PRKD1: variants seen among roughly 807,000 people sequenced by gnomAD.
PRKD1 encodes serine/threonine-protein kinase D1.
In PRKD1, 63 loss-of-function variants were observed where a neutral mutation model predicts 95.9. The ratio of observed to expected loss-of-function variants is 0.66; its 90% CI spans 0.54 to 0.81. The LOEUF is 0.81. PRKD1 is among the 30% of genes least tolerant of loss of function. PRKD1 has a pLI of 0.00. For synonymous variants in PRKD1, 425 were observed against 423.1 expected, an observed-to-expected ratio of 1.00 and a Z score of -0.05; for missense variants, 1,048 against 1,165.3, an observed-to-expected ratio of 0.90 and a Z score of 1.47.
chr14:29,810,792 CTA>C (rs1441507362), intron 1 of PRKD1, among the ~76,000 whole-genome samples: 5 of 152,292 alleles, frequency 3.3e-5, no homozygotes, highest in East Asian at 3.9e-4. Context: ...GTGCAACAAA[CTA>C]TGTATTTCAG....
At chr14:29,794,495 C>T (rs953301709) in intron 1 of PRKD1, among the ~76,000 whole-genome samples, 2 of 151,912 alleles carry the variant, frequency 1.3e-5, no homozygotes, top group East Asian at 1.9e-4. Context: ...CAGTGATTTA[C>T]TTATTTATTT....
intron 1 of PRKD1, among the ~76,000 whole-genome samples, chr14:29,849,681 T>A (rs1163304152): frequency 6.6e-6 from 1 of 151,570 alleles, no homozygotes; most frequent in Non-Finnish European, 1.5e-5. Flanking sequence ...CCGAAACTAT[T>A]CCCCAAAATA....
chr14:29,787,976 CCTTTCT>C (rs1344572578), intron 1 of PRKD1, among the ~76,000 whole-genome samples: 2 of 152,000 alleles, frequency 1.3e-5, no homozygotes, highest in Admixed American at 1.3e-4. Context: ...ACATTTGGCT[CCTTTCT>C]CTTTCTCATT....
At chr14:29,892,940 C>A (rs1893991149) in intron 1 of PRKD1, among the ~76,000 whole-genome samples, 1 of 152,154 alleles carries the variant, frequency 6.6e-6, no homozygotes, top group South Asian at 2.1e-4. Flanking sequence ...TTAAATATAT[C>A]CATCAAAGCC....
intron 1 of PRKD1, among the ~76,000 whole-genome samples, chr14:29,740,081 T>A (rs1011017464): frequency 6.6e-6 from 1 of 152,204 alleles, no homozygotes; most frequent in Non-Finnish European, 1.5e-5. Context: ...CATTATACCT[T>A]GACAGATTAC....
intron 1 of PRKD1, among the ~76,000 whole-genome samples, chr14:29,914,208 T>C (rs28465535): frequency 0.024 from 3,604 of 152,320 alleles, 151 homozygotes; most frequent in African/African-American, 0.082. Flanking sequence ...AGTTACGTGT[T>C]GGCATTAGCC....
intron 1 of PRKD1, among the ~76,000 whole-genome samples, chr14:29,742,270 C>A (rs890257337): frequency 1.3e-5 from 2 of 152,164 alleles, no homozygotes; most frequent in African/African-American, 4.8e-5. Context: ...CCACCTGCCA[C>A]CCCAACATTA....
intron 4 of PRKD1, 33 bp from the exon 5 acceptor site, chr14:29,638,937 T>C (rs747191153): frequency 2.4e-5 from 37 of 1,516,652 alleles, no homozygotes; most frequent in South Asian, 3.4e-5. Flanking sequence ...GGAAGCAAGA[T>C]GTAAGAGGCT....
chr14:29,886,500 C>T (rs1893711124), intron 1 of PRKD1, among the ~76,000 whole-genome samples: 1 of 152,218 alleles, frequency 6.6e-6, no homozygotes, highest in Admixed American at 6.5e-5. Context: ...TTCTACTAAA[C>T]TGGTGGCAAT....
intron 1 of PRKD1, among the ~76,000 whole-genome samples, chr14:29,892,293 C>T (rs922910281): frequency 1.3e-5 from 2 of 152,066 alleles, no homozygotes; most frequent in Non-Finnish European, 2.9e-5. Context: ...GGTAAGTAAC[C>T]GTTAACTGGA....
chr14:29,910,762 T>C (rs1894680267), intron 1 of PRKD1, among the ~76,000 whole-genome samples: 1 of 152,194 alleles, frequency 6.6e-6, no homozygotes, highest in African/African-American at 2.4e-5. Flanking sequence ...TCCCCCTTTC[T>C]TGAAGTGATA....
chr14:29,753,151 GA>G (rs1389123472), intron 1 of PRKD1, among the ~76,000 whole-genome samples: 1 of 152,108 alleles, frequency 6.6e-6, no homozygotes, highest in East Asian at 1.9e-4. Flanking sequence ...TGGTGTGGAA[GA>G]GGCAAATGAG....
At chr14:29,588,799 TGTG>T (rs1893023035) in intron 16 of PRKD1, among the ~76,000 whole-genome samples, 197 of 43,902 alleles carry the variant, frequency 4.5e-3, no homozygotes, top group African/African-American at 0.013. Flanking sequence ...GTTGTGTGTG[TGTG>T]TGTGTGTGTG....
chr14:29,634,557 T>C lies in PRKD1; in HGVS notation c.1191-16A>G. ...TGTTGATGGACTTGAGAAGTCAAAATATTGTAGGGAAAAAATGTTTTCAGG... is the reference window on the plus strand; with the variant it reads ...TGTTGATGGACTTGAGAAGTCAAAACATTGTAGGGAAAAAATGTTTTCAGG... On this transcript the variant is annotated splice_polypyrimidine_tract_variant and intron_variant, in intron 7 of 17. Coordinates refer to ENST00000331968, the MANE Select transcript of PRKD1 (RefSeq NM_002742.3). 19 of 1,613,534 alleles carry C rather than the reference T, an allele frequency of 1.2e-5. No individual in the cohort carries two copies. The highest frequency in any genetic ancestry group is 1.5e-5 in the Non-Finnish European group (18 of 1,179,654).
intron 1 of PRKD1, among the ~76,000 whole-genome samples, chr14:29,841,161 G>A (rs1436568656): frequency 6.6e-6 from 1 of 152,192 alleles, no homozygotes; most frequent in Non-Finnish European, 1.5e-5. Context: ...TAACTAACTT[G>A]CTTTTGATTT....
intron 4 of PRKD1, among the ~76,000 whole-genome samples, chr14:29,663,269 C>T (rs1044538454): frequency 6.6e-6 from 1 of 150,886 alleles, no homozygotes; most frequent in Non-Finnish European, 1.5e-5. Context: ...TGCCAGTATG[C>T]CAAGCAATAA....
intron 13 of PRKD1, among the ~76,000 whole-genome samples, chr14:29,618,622 T>G (rs1879032748): frequency 6.6e-6 from 1 of 152,104 alleles, no homozygotes; most frequent in Non-Finnish European, 1.5e-5. Flanking sequence ...ATAATGAAAA[T>G]AGAGCTATTC....
At chr14:29,639,759 T>C (rs774050599) in intron 4 of PRKD1, among the ~76,000 whole-genome samples, 2 of 152,198 alleles carry the variant, frequency 1.3e-5, no homozygotes, top group Non-Finnish European at 2.9e-5. Flanking sequence ...CAATAAAAGA[T>C]TTGTATTACT....
intron 2 of PRKD1, among the ~76,000 whole-genome samples, chr14:29,679,446 A>G (rs1417834027): frequency 6.6e-6 from 1 of 152,194 alleles, no homozygotes; most frequent in Non-Finnish European, 1.5e-5. Flanking sequence ...TTTGACACTC[A>G]GCATGATAAA....
Sources: allele counts gnomAD v4.1 joint callset (sites outside exome capture counted in the v4.1 genomes callset), GRCh38; gene constraint gnomAD v4.1.1; transcripts MANE v1.5; gene names NCBI Gene and HGNC (gene_info 2026-07-23, HGNC 2026-07-21).